The following MARCHF8 variants were observed in gnomAD, a reference collection of about 807,000 sequenced individuals.
MARCHF8 encodes the protein E3 ubiquitin-protein ligase MARCHF8.
Under a neutral mutation model 51.6 loss-of-function variants are expected in MARCHF8, and 40 were observed. The ratio of observed to expected loss-of-function variants is 0.77; its 90% CI spans 0.60 to 1.01. The LOEUF (loss-of-function observed/expected upper bound fraction) is 1.01, where lower values mean the gene tolerates loss of function less well. Ranked by LOEUF, MARCHF8 falls within the 50% of genes least tolerant of loss-of-function variation. The pLI, the probability that MARCHF8 is intolerant of heterozygous loss-of-function variation, is 0.00. For missense variants in MARCHF8, 685 were observed against 708.6 expected (o/e 0.97, Z 0.38); for synonymous variants, 263 against 280.3 (o/e 0.94, Z 0.62).
chr10:45,556,355 T>G (rs1014836633), intron 1 of MARCHF8, among the ~76,000 whole-genome samples: 1 of 152,148 alleles, frequency 6.6e-6, no homozygotes, highest in African/African-American at 2.4e-5. Flanking sequence ...AAAACAGCCC[T>G]TATCTTTCAG....
intron 1 of MARCHF8, among the ~76,000 whole-genome samples, chr10:45,534,808 C>T (rs1199217618): frequency 6.6e-6 from 1 of 152,086 alleles, no homozygotes; most frequent in Non-Finnish European, 1.5e-5. Flanking sequence ...CCAAACTCTA[C>T]TCTGGATCAA....
intron 2 of MARCHF8, among the ~76,000 whole-genome samples, chr10:45,501,485 T>C (rs2043278823): frequency 6.6e-6 from 1 of 152,126 alleles, no homozygotes. Context: ...CTCAAACTTA[T>C]ACAAAAATTA....
intron 2 of MARCHF8, among the ~76,000 whole-genome samples, chr10:45,498,877 C>A (rs1295195714): frequency 6.6e-6 from 1 of 152,202 alleles, no homozygotes; most frequent in African/African-American, 2.4e-5. Flanking sequence ...ATTGCTTCCA[C>A]CCTTTGGCAC....
At chr10:45,564,001 C>T (rs1200364326) in intron 1 of MARCHF8, among the ~76,000 whole-genome samples, 2 of 152,178 alleles carry the variant, frequency 1.3e-5, no homozygotes, top group Non-Finnish European at 2.9e-5. Context: ...AGTGGCTAGG[C>T]GTGGTGTCTC....
At position 45,463,617 on chromosome 10, in the gene MARCHF8, T is replaced by G. The variant is rs187014172; in HGVS notation, c.622A>C (p.Lys208Gln). 42 of 1,550,688 alleles carry G rather than the reference T, an allele frequency of 2.7e-5. No individual in the cohort carries two copies. The East Asian group carries it at 8.6e-4, about 32-fold the overall frequency. Residue 208 changes from lysine (K) to glutamine (Q), a missense_variant, in exon 5 of 8, where the codon AAA becomes CAA. Lys to Gln is a moderately conservative substitution (Grantham distance 53). Transcript: ENST00000453424. ...HHKEKRTLNHKPLGNSKHSCV... is the reference protein window; with the variant it reads ...HHKEKRTLNHQPLGNSKHSCV... ...GAATGTTTGGAATTGCCAAGAGGTT[T>G]GTGGTTCAGGGTTCTTTTTTCTTTA...
chr10:45,554,122 A>G (rs149373836), intron 1 of MARCHF8, among the ~76,000 whole-genome samples: 1 of 152,378 alleles, frequency 6.6e-6, no homozygotes, highest in African/African-American at 2.4e-5. Context: ...AGACATCCCT[A>G]TAGGAATCTA....
chr10:45,580,425 C>T (rs1423034140), intron 1 of MARCHF8, among the ~76,000 whole-genome samples: 1 of 152,138 alleles, frequency 6.6e-6, no homozygotes, highest in Admixed American at 6.5e-5. Flanking sequence ...AGATCTCACC[C>T]CTCACCATCT....
chr10:45,536,754 C>T (rs555484200), upstream of MARCHF8, among the ~76,000 whole-genome samples: 15 of 150,918 alleles, frequency 9.9e-5, no homozygotes, highest in Non-Finnish European at 1.9e-4. Context: ...TCAGCATTTT[C>T]GGAGGCTGAG....
Position 45,458,459 on chromosome 10 carries a change from C to A in MARCHF8, c.1502G>T (p.Cys501Phe), listed in dbSNP as rs867632069. 1 of 1,614,118 alleles carries A rather than the reference C, an allele frequency of 6.2e-7. No homozygotes were observed. The highest frequency in any genetic ancestry group is 2.2e-5 in the East Asian group (1 of 44,878). ...CTTCCACAATTGCACATACACTTTACACTGAACATACATAAAAAGAAGTCC... is the reference window on the plus strand; with the variant it reads ...CTTCCACAATTGCACATACACTTTAAACTGAACATACATAAAAAGAAGTCC... ...TGGLLFMYVQCKVYVQLWKRL... is the reference protein window; with the variant it reads ...TGGLLFMYVQFKVYVQLWKRL... Residue 501 changes from cysteine to phenylalanine, a missense_variant, in exon 8 of 8, where the codon TGT becomes TTT. Physicochemically the swap from Cys to Phe is radical, Grantham distance 205 (BLOSUM62 -2). Transcript: ENST00000453424.
intron 1 of MARCHF8, 27 bp from the exon 2 acceptor site, chr10:45,533,316 C>T: frequency 1.5e-6 from 2 of 1,356,684 alleles, no homozygotes. Context: ...AGAGAATAAA[C>T]ATAACTCAGC....
At chr10:45,550,522 G>A (rs913442367) in intron 1 of MARCHF8, among the ~76,000 whole-genome samples, 3 of 152,196 alleles carry the variant, frequency 2.0e-5, no homozygotes, top group Admixed American at 6.5e-5. Flanking sequence ...CTCTGCACCA[G>A]TCAGCTGTCA....
Position 45,458,561 on chromosome 10 carries a change from A to C in MARCHF8, c.1418-18T>G, listed in dbSNP as rs1842685026. 1.3e-6 allele frequency: 2 copies of C among 1,556,196 alleles called. No homozygotes were observed. The highest frequency in any genetic ancestry group is 2.8e-5 in the African/African-American group (2 of 72,196). On this transcript the variant is annotated intron_variant, in intron 7 of 7. Coordinates refer to ENST00000453424, the MANE Select transcript of MARCHF8 (RefSeq NM_001282866.2). ...TAGGATTCCTGGAAGGGAAAAACTC[A>C]GCCTATTAGATTTTATTTAAGATAT...
chr10:45,502,943 T>C (rs1405345881), intron 2 of MARCHF8, among the ~76,000 whole-genome samples: 1 of 152,100 alleles, frequency 6.6e-6, no homozygotes, highest in East Asian at 1.9e-4. Context: ...ATAATAATAA[T>C]AATAATACAT....
chr10:45,590,095 G>A (rs1235078143), intron 1 of MARCHF8, among the ~76,000 whole-genome samples: 4 of 152,020 alleles, frequency 2.6e-5, no homozygotes, highest in Admixed American at 1.3e-4. Flanking sequence ...ATTATACATA[G>A]CCATCTTAGT....
chr10:45,551,102 T>C (rs2044189243), intron 1 of MARCHF8, among the ~76,000 whole-genome samples: 1 of 152,220 alleles, frequency 6.6e-6, no homozygotes, highest in Non-Finnish European at 1.5e-5. Flanking sequence ...GTGATCCACC[T>C]GCTCTAGGTC....
intron 3 of MARCHF8, among the ~76,000 whole-genome samples, chr10:45,472,151 C>A (rs1737462108): frequency 6.6e-6 from 1 of 152,160 alleles, no homozygotes; most frequent in South Asian, 2.1e-4. Flanking sequence ...CTTTCCCACC[C>A]CTCCTCCTCC....
chr10:45,589,851 T>C (rs2044658850), intron 1 of MARCHF8, among the ~76,000 whole-genome samples: 1 of 152,232 alleles, frequency 6.6e-6, no homozygotes, highest in Non-Finnish European at 1.5e-5. Flanking sequence ...TTTTGGCTAT[T>C]ATGGCTACCG....
At chr10:45,464,400 G>T in intron 3 of MARCHF8, 73 bp from the exon 4 acceptor site, 2 of 1,269,234 alleles carry the variant, frequency 1.6e-6, no homozygotes, top group Non-Finnish European at 1.2e-6. Context: ...CCTGAATGGT[G>T]ACAGGGAGAA....
intron 1 of MARCHF8, among the ~76,000 whole-genome samples, chr10:45,576,869 ATCACTGGAGC>A (rs1482382217): frequency 3.9e-5 from 6 of 151,980 alleles, no homozygotes; most frequent in Admixed American, 2.0e-4. Context: ...AGGTGGGAAG[ATCACTGGAGC>A]TCAGGAAGTC....
Sources: gnomAD v4.1 joint callset for allele counts (sites outside exome capture counted in the v4.1 genomes callset) on GRCh38, gnomAD v4.1.1 for gene constraint, MANE v1.5 for transcripts, NCBI Gene and HGNC (gene_info 2026-07-23, HGNC 2026-07-21) for gene names.